Variants in INO80 observed in about 807,000 individuals in gnomAD.
The protein encoded by INO80 is INO80 complex ATPase subunit.
A neutral mutation model predicts 203.4 loss-of-function variants in INO80; 20 were observed. The observed-to-expected ratio is 0.10, with a 90% CI of 0.07 to 0.14. INO80 has a LOEUF of 0.14. INO80 is among the 10% of genes least tolerant of loss of function. INO80 has a pLI of 1.00. For synonymous variants in INO80, 726 were observed against 685.2 expected (o/e 1.06, Z -0.93); for missense variants, 1,419 against 1,914.4 (o/e 0.74, Z 4.83).
intron 5 of INO80, among the ~76,000 whole-genome samples, chr15:41,090,499 C>T (rs991057428): frequency 6.6e-6 from 1 of 152,120 alleles, no homozygotes; most frequent in African/African-American, 2.4e-5. Flanking sequence ...TCGCTTGACC[C>T]TGGGAAGCAG....
rs1893700371 is a variant in INO80, at chr15:40,978,911, T to TAAGA, written c.*1308_*1311dup. ...TAAAATTATCTCACTCCATTTTATT[T>TAAGA]AAGATTTTTTTATCCAGTTAGTAAA... On this transcript the variant is annotated 3_prime_UTR_variant, in exon 36 of 36. Transcript: ENST00000648947. The TAAGA allele has an allele frequency of 6.5e-6, 1 of 152,754 alleles. No individual in the cohort carries two copies. The highest frequency in any genetic ancestry group is 2.4e-5 in the African/African-American group (1 of 41,578). The allele number at this position is 152,754 out of a possible 1,614,324, so 9.5% of individuals were successfully genotyped here. A position where few individuals can be genotyped will look rare whatever the true frequency, so the allele number is the denominator to read the frequency against.
intron 1 of INO80, among the ~76,000 whole-genome samples, chr15:41,115,146 A>T (rs973636030): frequency 6.6e-5 from 10 of 152,220 alleles, no homozygotes; most frequent in Non-Finnish European, 1.5e-4. Context: ...GACGTTAGCC[A>T]GGTCAACCTC....
chr15:41,026,103 G>C (rs1293769194), intron 25 of INO80, among the ~76,000 whole-genome samples: 1 of 152,184 alleles, frequency 6.6e-6, no homozygotes, highest in Non-Finnish European at 1.5e-5. Context: ...CAGAAATCTA[G>C]GCAGGCAGGA....
Position 41,049,922 on chromosome 15 carries a change from CG to C in INO80, c.2442+12del. ...AAAAACAAAACTTCAAGGGAACTGA[CG>C]TAAGCTCTTACCTTCCTAAACTGCA... On this transcript the variant is annotated intron_variant, in intron 20 of 35. Transcript: ENST00000648947. The C allele has an allele frequency of 6.2e-7, 1 of 1,602,482 alleles. No homozygotes were observed. Among genetic ancestry groups the C allele is most frequent in the Non-Finnish European group, 8.5e-7 (1 of 1,172,792 alleles).
intron 11 of INO80, 119 bp from the exon 12 acceptor site, chr15:41,072,177 T>C (rs2045331798): frequency 1.6e-6 from 1 of 628,376 alleles, no homozygotes; most frequent in Non-Finnish European, 2.6e-6. Flanking sequence ...TGGAACAAAA[T>C]TTCTCATAAT....
At position 41,007,449 on chromosome 15, in the gene INO80, T is replaced by C. The variant is rs554283303; in HGVS notation, c.3403-1762A>G. 5.5e-4 allele frequency among the ~76,000 whole-genome samples: 83 copies of C among 152,112 alleles called. 2 individuals are homozygous for C. The South Asian group carries it at 0.016, about 29-fold the overall frequency. On this transcript the variant is annotated intron_variant, in intron 27 of 35. Transcript: ENST00000648947. Reference sequence around the variant, plus strand: ...CTGCCCACCTCAGCCTCCCAAAGTGTTGGGATTACAGGTGTGACCCACTGA... The same window carrying C: ...CTGCCCACCTCAGCCTCCCAAAGTGCTGGGATTACAGGTGTGACCCACTGA...
intron 28 of INO80, among the ~76,000 whole-genome samples, chr15:41,001,423 T>C (rs972437706): frequency 2.0e-5 from 3 of 152,188 alleles, no homozygotes; most frequent in African/African-American, 7.2e-5. Flanking sequence ...CAGTAAAGGC[T>C]TGTTGAATGA....
chr15:41,065,372 T>G (rs904212448), intron 14 of INO80, among the ~76,000 whole-genome samples: 3 of 151,736 alleles, frequency 2.0e-5, no homozygotes, highest in African/African-American at 7.3e-5. Context: ...GAGGCGGAGG[T>G]TGCAGCGAGC....
At position 40,987,086 on chromosome 15, in the gene INO80, C is replaced by G; in HGVS notation, c.3832+5G>C. 6.5e-7 allele frequency: 1 copy of G among 1,544,410 alleles called. No individual in the cohort carries two copies. On this transcript the variant is annotated splice_donor_5th_base_variant and intron_variant, in intron 31 of 35. Transcript: ENST00000648947. ...GGGGAGTGTATAGAGGTTTAGAGTA[C>G]ATACGTTTCTTCTCCAACTCTTCGT...
chr15:41,059,791 G>A (rs2045069859), intron 15 of INO80, 76 bp downstream of exon 15: 1 of 967,618 alleles, frequency 1.0e-6, no homozygotes, highest in African/African-American at 1.7e-5. Context: ...TTGTCTAAAA[G>A]AAATTATCCA....
chr15:41,074,634 C>T, intron 9 of INO80, 69 bp from the exon 10 acceptor site: 1 of 1,038,752 alleles, frequency 9.6e-7, no homozygotes, highest in South Asian at 1.7e-5. Context: ...CCAGAATTCA[C>T]CACTTATATT....
chr15:41,062,238 T>C (rs2045124755), intron 14 of INO80, among the ~76,000 whole-genome samples: 1 of 152,168 alleles, frequency 6.6e-6, no homozygotes, highest in African/African-American at 2.4e-5. Flanking sequence ...CAGAAAGTAG[T>C]AACTCTTAAT....
intron 28 of INO80, among the ~76,000 whole-genome samples, chr15:40,999,934 T>A (rs1040843813): frequency 1.2e-4 from 19 of 152,078 alleles, no homozygotes; most frequent in East Asian, 1.9e-4. Flanking sequence ...CTACATAAAA[T>A]TTTTTTTAAA....
rs2044319879 is a variant in INO80 at position 41,023,127 on chromosome 15, A to C, written c.3049-2002T>G. The C allele has an allele frequency of 3.0e-5, 11 of 361,736 alleles. No homozygotes were observed. In the Admixed American group the frequency reaches 3.1e-4, roughly 10 times the overall value. The allele number at this position is 361,736 out of a possible 1,614,324, so 22.4% of individuals were successfully genotyped here. On this transcript the variant is annotated intron_variant, in intron 25 of 35. Transcript: ENST00000648947. The stretch of plus-strand genomic sequence containing the variant: ...AAAAAAAAAAAAAAAAAGTTAAAAA[A>C]AGAAGGAACTTGTTTTCTTGCTTCC...
intron 28 of INO80, among the ~76,000 whole-genome samples, chr15:40,998,558 A>C (rs1475944753): frequency 6.6e-6 from 1 of 152,216 alleles, no homozygotes; most frequent in Non-Finnish European, 1.5e-5. Context: ...CTGAATTACA[A>C]ATAAACCAAT....
rs923601502 is a variant in INO80, at chr15:41,116,245, A to T, written c.-316T>A. ...TCACTGAGAGGAGCGGAGCAGGGAC[A>T]CGGGGAGCCATGGCGGGGGGGAGGA... On this transcript the variant is annotated 5_prime_UTR_variant, in exon 1 of 36. Transcript: ENST00000648947. 16 of 400,620 alleles carry T rather than the reference A, an allele frequency of 4.0e-5. No individual in the cohort carries two copies. Among genetic ancestry groups the T allele is most frequent in the Non-Finnish European group, 7.0e-5 (16 of 228,016 alleles). The allele number at this position is 400,620 out of a possible 1,614,324, so 24.8% of individuals were successfully genotyped here. A position where few individuals can be genotyped will look rare whatever the true frequency, so the allele number is the denominator to read the frequency against.
chr15:41,051,872 C>A (rs759469713), intron 19 of INO80, among the ~76,000 whole-genome samples: 10 of 152,186 alleles, frequency 6.6e-5, no homozygotes, highest in Admixed American at 5.9e-4. Flanking sequence ...GCAGGCGAGT[C>A]GCTTGAATCC....
rs747162027 is a variant in INO80, at chr15:41,049,959, C to T, written c.2418G>A (p.Met806Ile). The T allele has an allele frequency of 3.1e-6, 5 of 1,613,532 alleles. No homozygotes were observed. Residue 806 changes from methionine to isoleucine, a missense_variant, in exon 20 of 36, where the codon ATG becomes ATA. Around this residue, in one of 9 missense-constraint regions of INO80, gnomAD observed 192 missense variants for 406.7 expected, o/e 0.47. Transcript: ENST00000648947. ...CCTTCCTAAACTGCATGACCAGATT[C>T]ATGAGGCTGCTGGTGGTGTTCTGTG... ...QQAQNTTSSLMNLVMQFRKVC... is the reference protein window; with the variant it reads ...QQAQNTTSSLINLVMQFRKVC...
chr15:41,102,162 G>A (rs1342873982), intron 1 of INO80, among the ~76,000 whole-genome samples: 1 of 151,574 alleles, frequency 6.6e-6, no homozygotes, highest in East Asian at 2.0e-4. Context: ...CTGAACTCCA[G>A]CCTGGGCAAC....
Sources: allele counts gnomAD v4.1 joint callset (sites outside exome capture counted in the v4.1 genomes callset), GRCh38; gene constraint gnomAD v4.1.1; regional missense constraint gnomAD v4.1.1; transcripts MANE v1.5; gene names NCBI Gene and HGNC (gene_info 2026-07-23, HGNC 2026-07-21).